Variants in SLC4A8 observed in about 807,000 individuals in gnomAD.
SLC4A8 encodes the protein solute carrier family 4 member 8.
A neutral mutation model predicts 125.0 loss-of-function variants in SLC4A8; 40 were observed. The observed-to-expected ratio is 0.32, with a 90% CI of 0.25 to 0.42. The LOEUF (loss-of-function observed/expected upper bound fraction) is 0.42. SLC4A8 is among the 10% of genes least tolerant of loss of function. The pLI is 1.00. For synonymous variants in SLC4A8, 456 were observed against 476.0 expected (o/e 0.96, Z 0.55); for missense variants, 863 against 1,355.1 (o/e 0.64, Z 5.70).
At chr12:51,407,845 T>C (rs1008929125) in intron 1 of SLC4A8, 1 of 152,368 alleles carries the variant, frequency 6.6e-6, no homozygotes, top group Non-Finnish European at 1.5e-5. Context: ...GCTCCAAGCA[T>C]GTTTATTGTC....
chr12:51,505,949 T>A lies in SLC4A8; in HGVS notation c.3269+19T>A, dbSNP rs776072616. On this transcript the variant is annotated intron_variant, in intron 24 of 24. Coordinates refer to ENST00000453097, the MANE Select transcript of SLC4A8 (RefSeq NM_001039960.3). ...AAAAGAGGTAAAGAGAACTGTAACA[T>A]CTGGTTTTTATTTATTTCTGGCTTT... 4.3e-6 allele frequency: 5 copies of A among 1,156,708 alleles called. No homozygotes were observed. In the Admixed American group the frequency reaches 6.1e-5, roughly 14 times the overall value. The allele number at this position is 1,156,708 out of a possible 1,614,324, so 71.7% of individuals were successfully genotyped here. A position where few individuals can be genotyped will look rare whatever the true frequency, so the allele number is the denominator to read the frequency against.
intron 1 of SLC4A8, among the ~76,000 whole-genome samples, chr12:51,432,446 T>G (rs1230741438): frequency 4.6e-5 from 6 of 130,640 alleles, no homozygotes; most frequent in Non-Finnish European, 3.2e-5. Context: ...TGGAAATGGC[T>G]GGGTGTGGTG....
At chr12:51,398,074 C>T (rs958376180) in intron 1 of SLC4A8, among the ~76,000 whole-genome samples, 1 of 152,100 alleles carries the variant, frequency 6.6e-6, no homozygotes, top group Non-Finnish European at 1.5e-5. Flanking sequence ...GCGTTCTGCT[C>T]GAGTATCCTT....
At chr12:51,429,647 C>A (rs546506960) in intron 1 of SLC4A8, among the ~76,000 whole-genome samples, 1 of 152,126 alleles carries the variant, frequency 6.6e-6, no homozygotes, top group South Asian at 2.1e-4. Flanking sequence ...GAACTACAGA[C>A]ATGAACCACT....
At chr12:51,438,985 TCTGTGCTG>T (rs1399157277) in intron 1 of SLC4A8, among the ~76,000 whole-genome samples, 1 of 152,212 alleles carries the variant, frequency 6.6e-6, no homozygotes, top group African/African-American at 2.4e-5. Context: ...ATGTGAAAAG[TCTGTGCTG>T]GGTGCTAGGA....
chr12:51,394,220 A>T (rs2137905115), intron 1 of SLC4A8, among the ~76,000 whole-genome samples: 1 of 152,384 alleles, frequency 6.6e-6, no homozygotes, highest in Middle Eastern at 3.4e-3. Flanking sequence ...CTTCCCAAGA[A>T]GTAGCAGCAG....
At chr12:51,433,385 G>A (rs1161214381) in intron 1 of SLC4A8, among the ~76,000 whole-genome samples, 2 of 152,134 alleles carry the variant, frequency 1.3e-5, no homozygotes, top group Non-Finnish European at 2.9e-5. Context: ...CTCAGAAATA[G>A]GGCTTTTTCC....
chr12:51,501,781 G>A (rs1223714751), intron 22 of SLC4A8: 1 of 152,188 alleles, frequency 6.6e-6, no homozygotes, highest in Non-Finnish European at 1.5e-5. Context: ...CAACAGTGTA[G>A]AAGTGTTCAC....
At chr12:51,432,535 G>A (rs114702183) in intron 1 of SLC4A8, among the ~76,000 whole-genome samples, 1,579 of 151,834 alleles carry the variant, frequency 0.01, 21 homozygotes, top group African/African-American at 0.036. Flanking sequence ...CCATCCTAGC[G>A]AACATGGCGA....
Position 51,462,290 on chromosome 12 carries a change from G to GC in SLC4A8, c.1102-20_1102-19insC. The GC allele has an allele frequency of 1.2e-6, 2 of 1,612,172 alleles. No individual in the cohort carries two copies. The highest frequency in any genetic ancestry group is 1.7e-6 in the Non-Finnish European group (2 of 1,178,428). ...GTAAAGTTACTTTTAACTTTCCTGA[G>GC]GGTTTTCTCTTCTCTGTAGATTTTT... is the stretch of plus-strand genomic sequence containing the variant. On this transcript the variant is annotated intron_variant, in intron 9 of 24. Transcript: ENST00000453097.
At chr12:51,480,916 C>T (rs11608903) in intron 16 of SLC4A8, among the ~76,000 whole-genome samples, 1 of 152,160 alleles carries the variant, frequency 6.6e-6, no homozygotes, top group Admixed American at 6.5e-5. Context: ...TTCACTTTAC[C>T]TGAACTGCCT....
intron 22 of SLC4A8, among the ~76,000 whole-genome samples, chr12:51,500,645 G>GT (rs1218188307): frequency 1.3e-5 from 2 of 151,518 alleles, no homozygotes; most frequent in Admixed American, 6.6e-5. Context: ...TGTACAGATA[G>GT]TTTTTTCTCT....
intron 22 of SLC4A8, 47 bp downstream of exon 22, chr12:51,497,171 G>T: frequency 6.4e-7 from 1 of 1,564,320 alleles, no homozygotes; most frequent in South Asian, 1.2e-5. Flanking sequence ...TCAAATTACA[G>T]AACATAGGAA....
intron 9 of SLC4A8, 112 bp from the exon 10 acceptor site, chr12:51,462,198 C>G: frequency 3.0e-6 from 3 of 993,698 alleles, no homozygotes; most frequent in Non-Finnish European, 4.7e-6. Context: ...TCTCAGATCC[C>G]CGTGACAGAG....
intron 17 of SLC4A8, among the ~76,000 whole-genome samples, chr12:51,487,597 G>A (rs1328344615): frequency 8.5e-5 from 13 of 152,172 alleles, no homozygotes; most frequent in Admixed American, 5.2e-4. Flanking sequence ...AAAAAAGGGC[G>A]AACTTGTCTT....
chr12:51,476,043 G>T (rs1371181158), intron 16 of SLC4A8, among the ~76,000 whole-genome samples: 1 of 152,176 alleles, frequency 6.6e-6, no homozygotes, highest in Non-Finnish European at 1.5e-5. Context: ...TGAAGGCCTG[G>T]GTTACATGTA....
chr12:51,466,345 G>C (rs1950514113), intron 11 of SLC4A8: 1 of 152,148 alleles, frequency 6.6e-6, no homozygotes, highest in African/African-American at 2.4e-5. Flanking sequence ...TTTTGGGAAG[G>C]GTTAATGGAA....
chr12:51,471,527 C>A lies in SLC4A8; in HGVS notation c.1899C>A (p.Leu633=), dbSNP rs764343891. The A allele has an allele frequency of 2.5e-6, 4 of 1,612,802 alleles. No individual in the cohort carries two copies. The Admixed American group carries it at 6.7e-5, about 27-fold the overall frequency. Residue 633 remains leucine, a synonymous_variant, in exon 14 of 25, where the codon CTC becomes CTA. Coordinates refer to ENST00000453097, the MANE Select transcript of SLC4A8 (RefSeq NM_001039960.3). The stretch of plus-strand genomic sequence containing the variant: ...ACAGCCAGCTGGACCACCTTAGCCT[C>A]TATTAGTAAGTGTGCTTTCTGCTTA... ...HMHSQLDHLS[L]YYCRCTLPEN...
intron 22 of SLC4A8, among the ~76,000 whole-genome samples, chr12:51,500,305 C>T (rs1441311905): frequency 2.0e-5 from 3 of 152,042 alleles, no homozygotes; most frequent in Non-Finnish European, 4.4e-5. Context: ...ATTTTAAAAG[C>T]TAAATGAAAT....
Sources: gnomAD v4.1 joint callset for allele counts (sites outside exome capture counted in the v4.1 genomes callset) on GRCh38, gnomAD v4.1.1 for gene constraint, MANE v1.5 for transcripts, NCBI Gene and HGNC (gene_info 2026-07-23, HGNC 2026-07-21) for gene names.